The following SS18L1 variants were observed in gnomAD, a reference collection of about 807,000 sequenced individuals.
SS18L1 encodes SS18L1 subunit of BAF chromatin remodeling complex.
In SS18L1, 32 loss-of-function variants were observed where a neutral mutation model predicts 70.3. The ratio of observed to expected loss-of-function variants is 0.46; its 90% confidence interval spans 0.34 to 0.61. The LOEUF (loss-of-function observed/expected upper bound fraction) is 0.61. SS18L1 is among the 20% of genes least tolerant of loss of function. SS18L1 has a pLI of 0.01. For synonymous variants in SS18L1, 237 were observed against 229.7 expected, an observed-to-expected ratio of 1.03 and a Z score of -0.29; for missense variants, 430 against 542.1, an observed-to-expected ratio of 0.79 and a Z score of 2.05.
chr20:62,173,995 G>C (rs545613708), intron 9 of SS18L1, among the ~76,000 whole-genome samples: 1 of 151,728 alleles, frequency 6.6e-6, no homozygotes, highest in Non-Finnish European at 1.5e-5. Context: ...GCCTGGCTTG[G>C]GTGACAGAGT....
intron 7 of SS18L1, among the ~76,000 whole-genome samples, chr20:62,164,705 C>T (rs138725476): frequency 6.6e-6 from 1 of 152,294 alleles, no homozygotes; most frequent in Non-Finnish European, 1.5e-5. Context: ...TCAGTCTTTG[C>T]ATAGTCCCAG....
chr20:62,165,066 G>A (rs1405478463), intron 7 of SS18L1, among the ~76,000 whole-genome samples: 1 of 152,234 alleles, frequency 6.6e-6, no homozygotes, highest in Non-Finnish European at 1.5e-5. Context: ...ATGCAGCGAA[G>A]GCCTCGGTAA....
intron 9 of SS18L1, among the ~76,000 whole-genome samples, chr20:62,173,467 T>G (rs1219261716): frequency 1.3e-5 from 2 of 152,178 alleles, no homozygotes; most frequent in East Asian, 3.8e-4. Context: ...CCCAGCACTT[T>G]GGGAGGCTGA....
chr20:62,144,572 G>C (rs1008584584), intron 1 of SS18L1, among the ~76,000 whole-genome samples: 1 of 152,260 alleles, frequency 6.6e-6, no homozygotes, highest in Non-Finnish European at 1.5e-5. Flanking sequence ...GGGTTTCAGC[G>C]TGACACCCTC....
At chr20:62,176,216 C>T (rs6142974) in intron 10 of SS18L1, among the ~76,000 whole-genome samples, 13,719 of 152,336 alleles carry the variant, frequency 0.09, 764 homozygotes, top group South Asian at 0.2. Flanking sequence ...TAACTTTATA[C>T]CTACCTATGA....
At chr20:62,167,098 T>G (rs1235770451) in intron 8 of SS18L1, among the ~76,000 whole-genome samples, 1 of 123,376 alleles carries the variant, frequency 8.1e-6, no homozygotes, top group African/African-American at 3.3e-5. Flanking sequence ...GAGGCTGGAG[T>G]GCAGTGGTAT....
chr20:62,144,221 C>A (rs2056978730), intron 1 of SS18L1, among the ~76,000 whole-genome samples: 1 of 151,710 alleles, frequency 6.6e-6, no homozygotes, highest in Non-Finnish European at 1.5e-5. Flanking sequence ...GTCCGCGGCG[C>A]GCGCTGGGAA....
At chr20:62,160,651 C>T (rs928405917) in intron 3 of SS18L1, among the ~76,000 whole-genome samples, 3 of 152,300 alleles carry the variant, frequency 2.0e-5, no homozygotes, top group South Asian at 2.1e-4. Context: ...GTCCTGCTGA[C>T]GGGGTTCCGG....
intron 7 of SS18L1, among the ~76,000 whole-genome samples, chr20:62,164,858 C>CCAA (rs1207010148): frequency 6.6e-6 from 1 of 152,220 alleles, no homozygotes; most frequent in East Asian, 1.9e-4. Context: ...CGCACCACCA[C>CCAA]ACTCCAGCCT....
chr20:62,155,541 G>A (rs80303214), intron 1 of SS18L1, among the ~76,000 whole-genome samples: 1 of 152,348 alleles, frequency 6.6e-6, no homozygotes, highest in East Asian at 1.9e-4. Context: ...GGCTTCTGCG[G>A]ATTGGAGGCC....
chr20:62,180,628 G>A lies in SS18L1; in HGVS notation c.*1420G>A, dbSNP rs572373312. ...GTTAAAAGTAATTCTTGGCGTGGTG[G>A]TTCACGCCTGTAATCCCAGCACTTT... On this transcript the variant is annotated 3_prime_UTR_variant, in exon 11 of 11. Transcript: ENST00000331758. 1 of 168,616 alleles carries A rather than the reference G, an allele frequency of 5.9e-6. No individual in the cohort carries two copies. Among genetic ancestry groups the A allele is most frequent in the Non-Finnish European group, 1.3e-5 (1 of 77,230 alleles). 10.4% of individuals were successfully genotyped at this position (168,616 alleles called of 1,614,324 possible). A position where few individuals can be genotyped will look rare whatever the true frequency, so the allele number is the denominator to read the frequency against.
intron 1 of SS18L1, chr20:62,154,354 C>G: frequency 9.5e-7 from 1 of 1,050,322 alleles, no homozygotes; most frequent in East Asian, 5.4e-5. Context: ...ACTTGCGGGT[C>G]TGAAAGTGCG....
chr20:62,172,858 A>T, intron 9 of SS18L1, 57 bp downstream of exon 9: 1 of 1,599,524 alleles, frequency 6.3e-7, no homozygotes, highest in Non-Finnish European at 8.5e-7. Flanking sequence ...CCCCTGCCAC[A>T]CATGGGTACG....
In SS18L1 at chr20:62,158,529, A is replaced by T; in HGVS notation, c.70-143A>T. 1 of 1,378,698 alleles carries T rather than the reference A, an allele frequency of 7.3e-7. No homozygotes were observed. Among genetic ancestry groups the T allele is most frequent in the Non-Finnish European group, 9.7e-7 (1 of 1,026,172 alleles). 85.4% of individuals were successfully genotyped at this position (1,378,698 alleles called of 1,614,324 possible). On this transcript the variant is annotated intron_variant, in intron 1 of 10. Coordinates refer to ENST00000331758, the MANE Select transcript of SS18L1 (RefSeq NM_198935.3). This position sits in a 1 kb window ranked among gnomAD's most constrained non-coding sequence, Gnocchi z 4.5. ...GGTGGGTCTAATACAGATATCCCCA[A>T]ATCTGGAAAAATCTGAAATCTGACA... is the stretch of plus-strand genomic sequence containing the variant.
intron 10 of SS18L1, 53 bp from the exon 11 acceptor site, chr20:62,179,129 C>T: frequency 6.2e-7 from 1 of 1,607,094 alleles, no homozygotes; most frequent in Non-Finnish European, 8.5e-7. Flanking sequence ...GGACGTCTGT[C>T]TTCCTTTCAC....
At position 62,169,500 on chromosome 20, in the gene SS18L1, C is replaced by T. The variant is rs766267316; in HGVS notation, c.917-3182C>T. Among the ~76,000 whole-genome samples, 34 of 152,224 alleles carry T rather than the reference C, an allele frequency of 2.2e-4. 1 individual carries two copies. In the Middle Eastern group the frequency reaches 0.01, roughly 46 times the overall value. On this transcript the variant is annotated intron_variant, in intron 8 of 10. Coordinates refer to ENST00000331758, the MANE Select transcript of SS18L1 (RefSeq NM_198935.3). ...AAGTTAAATTAAACATCATTGGGGC[C>T]GGGCAGAGTGGCTCACGCCTGTAAT...
In SS18L1 at chr20:62,174,608, G is replaced by A. The variant is rs115792477; in HGVS notation, c.1128G>A (p.Pro376=). 13,831 of 1,613,706 alleles carry A rather than the reference G, an allele frequency of 8.6e-3. 90 individuals carry two copies. The highest frequency in any genetic ancestry group is 0.01 in the Non-Finnish European group (12,322 of 1,180,038). ...YGSYRAPQTA[P]SAQQQRPYGY... Reference sequence around the variant, plus strand: ...GCTACCGAGCACCGCAGACAGCGCCGTCTGCCCAGCAGCAGCGGCCCTACG... The same window carrying A: ...GCTACCGAGCACCGCAGACAGCGCCATCTGCCCAGCAGCAGCGGCCCTACG... Residue 376 remains proline (P), a synonymous_variant, in exon 10 of 11, where the codon CCG becomes CCA. Transcript: ENST00000331758. The surrounding 1 kb of genome is among the most constrained non-coding windows in gnomAD (Gnocchi z 4.1).
chr20:62,179,548 A>G lies in SS18L1; in HGVS notation c.*340A>G. ...AGCATTCTGTGCCCAGGGACAGGAC[A>G]GATCTCGAGGACACCACAGTCCACC... On this transcript the variant is annotated 3_prime_UTR_variant, in exon 11 of 11. Coordinates refer to ENST00000331758, the MANE Select transcript of SS18L1 (RefSeq NM_198935.3). 1 of 402,454 alleles carries G rather than the reference A, an allele frequency of 2.5e-6. No individual in the cohort carries two copies. The highest frequency in any genetic ancestry group is 4.6e-6 in the Non-Finnish European group (1 of 217,738). 24.9% of individuals were successfully genotyped at this position (402,454 alleles called of 1,614,324 possible).
intron 8 of SS18L1, among the ~76,000 whole-genome samples, chr20:62,168,286 G>A (rs1386361461): frequency 6.6e-6 from 1 of 152,196 alleles, no homozygotes; most frequent in African/African-American, 2.4e-5. Flanking sequence ...GTTAGACTCT[G>A]ACATGAGGAG....
Sources: allele counts gnomAD v4.1 joint callset (sites outside exome capture counted in the v4.1 genomes callset), GRCh38; gene constraint gnomAD v4.1.1; non-coding constraint Gnocchi (gnomAD v3.1); transcripts MANE v1.5; gene names NCBI Gene and HGNC (gene_info 2026-07-23, HGNC 2026-07-21).